The following COL19A1 variants were observed in gnomAD, a reference collection of about 807,000 sequenced individuals.
COL19A1 encodes collagen type XIX alpha 1 chain.
A neutral mutation model predicts 190.2 loss-of-function variants in COL19A1; 159 were observed. The observed-to-expected ratio is 0.84, with a 90% CI of 0.73 to 0.95. The LOEUF is 0.95. COL19A1 is among the 40% of genes least tolerant of loss of function. The pLI is 0.00. For synonymous variants in COL19A1, 509 were observed against 458.9 expected (o/e 1.11, Z -1.39); for missense variants, 1,418 against 1,431.9 (o/e 0.99, Z 0.16).
At chr6:70,171,060 A>T (rs1239545271) in intron 40 of COL19A1, among the ~76,000 whole-genome samples, 1 of 152,168 alleles carries the variant, frequency 6.6e-6, no homozygotes, top group Non-Finnish European at 1.5e-5. Flanking sequence ...AGCTTGTCCA[A>T]CCCATGGCCC....
intron 7 of COL19A1, 31 bp downstream of exon 7, chr6:69,932,894 G>C (rs769091447): frequency 7.1e-7 from 1 of 1,402,182 alleles, no homozygotes; most frequent in East Asian, 2.3e-5. Context: ...TATGAAGAAT[G>C]AAGAACGCCA....
intron 11 of COL19A1, among the ~76,000 whole-genome samples, chr6:70,022,602 T>C (rs1778475075): frequency 6.6e-6 from 1 of 152,198 alleles, no homozygotes; most frequent in Non-Finnish European, 1.5e-5. Context: ...AACAAAATTA[T>C]ATGTCACTAT....
chr6:70,068,012 C>CT (rs1187833301), intron 14 of COL19A1, among the ~76,000 whole-genome samples: 1 of 151,992 alleles, frequency 6.6e-6, no homozygotes, highest in Non-Finnish European at 1.5e-5. Context: ...TCATGCATTT[C>CT]CTTAGAATAT....
At chr6:69,929,761 T>C (rs1772634080) in intron 6 of COL19A1, 61 bp downstream of exon 6, 1 of 1,445,874 alleles carries the variant, frequency 6.9e-7, no homozygotes, top group Non-Finnish European at 9.3e-7. Context: ...AAAAATCTTA[T>C]TAAAAACATT....
At chr6:70,188,838 A>G (rs1766686503) in intron 47 of COL19A1, among the ~76,000 whole-genome samples, 1 of 152,210 alleles carries the variant, frequency 6.6e-6, no homozygotes, top group Non-Finnish European at 1.5e-5. Flanking sequence ...GAAAATATCC[A>G]TGTTAGGAAG....
intron 4 of COL19A1, among the ~76,000 whole-genome samples, chr6:69,914,439 T>C (rs576383254): frequency 1.3e-5 from 2 of 152,310 alleles, no homozygotes; most frequent in South Asian, 2.1e-4. Context: ...ACTTGTATCA[T>C]ATTTCTCTTC....
At chr6:70,006,394 G>C (rs945074231) in intron 11 of COL19A1, among the ~76,000 whole-genome samples, 2 of 152,192 alleles carry the variant, frequency 1.3e-5, no homozygotes, top group Non-Finnish European at 2.9e-5. Flanking sequence ...TTGGCTGGGG[G>C]GTGAGGGCTC....
intron 15 of COL19A1, among the ~76,000 whole-genome samples, chr6:70,089,054 T>A (rs1348772500): frequency 1.3e-5 from 2 of 152,148 alleles, no homozygotes; most frequent in Admixed American, 6.6e-5. Flanking sequence ...TTGAATCCCA[T>A]AGACAAGTGA....
intron 14 of COL19A1, among the ~76,000 whole-genome samples, chr6:70,066,642 A>T (rs1365771287): frequency 6.6e-6 from 1 of 151,926 alleles, no homozygotes; most frequent in Non-Finnish European, 1.5e-5. Context: ...TATGAAAAAA[A>T]TTAAAAATGA....
chr6:70,166,096 T>A, intron 37 of COL19A1, 111 bp downstream of exon 37: 1 of 962,108 alleles, frequency 1.0e-6, no homozygotes, highest in East Asian at 2.4e-5. Context: ...CTTCTGAATT[T>A]CGTGTATAAA....
Position 70,107,757 on chromosome 6 carries a change from A to G in COL19A1, c.1278+5535A>G, listed in dbSNP as rs539192799. Among the ~76,000 whole-genome samples the G allele has an allele frequency of 4.9e-4, 75 of 152,306 alleles. 2 individuals carry two copies. In the South Asian group the frequency reaches 0.016, roughly 32 times the overall value. ...TGAAGAGATCCAAAAGTTATTCCCAATTAGGTAACAATAACAACCAGGTCT... is the reference window on the plus strand; with the variant it reads ...TGAAGAGATCCAAAAGTTATTCCCAGTTAGGTAACAATAACAACCAGGTCT... On this transcript the variant is annotated intron_variant, in intron 16 of 50. Coordinates refer to ENST00000620364, the MANE Select transcript of COL19A1 (RefSeq NM_001858.6).
chr6:70,054,327 G>A (rs1377742338), intron 14 of COL19A1, among the ~76,000 whole-genome samples: 3 of 152,192 alleles, frequency 2.0e-5, no homozygotes, highest in Non-Finnish European at 4.4e-5. Context: ...TCCAGACTGG[G>A]TGACAAGAGC....
At chr6:70,065,922 C>T (rs1011734410) in intron 14 of COL19A1, among the ~76,000 whole-genome samples, 7 of 152,162 alleles carry the variant, frequency 4.6e-5, no homozygotes, top group Admixed American at 2.0e-4. Context: ...TTATCTCACA[C>T]CAGTTAGAAT....
intron 35 of COL19A1, 100 bp downstream of exon 35, chr6:70,162,053 A>G (rs117764401): frequency 0.045 from 48,544 of 1,074,952 alleles, 1,323 homozygotes; most frequent in Non-Finnish European, 0.054. Flanking sequence ...CTGTGCCTCT[A>G]TGTAGATTGT....
chr6:70,021,063 T>C (rs2150103060), intron 11 of COL19A1, among the ~76,000 whole-genome samples: 1 of 152,290 alleles, frequency 6.6e-6, no homozygotes, highest in East Asian at 1.9e-4. Flanking sequence ...GAGCACATAA[T>C]AAATATTGAA....
chr6:70,206,560 A>G (rs1429722834), intron 49 of COL19A1, among the ~76,000 whole-genome samples: 2 of 143,366 alleles, frequency 1.4e-5, no homozygotes, highest in Non-Finnish European at 3.0e-5. Context: ...TGAACACAGG[A>G]GGTGGAGGTT....
At chr6:70,171,667 T>C (rs1351718276) in intron 40 of COL19A1, among the ~76,000 whole-genome samples, 2 of 152,206 alleles carry the variant, frequency 1.3e-5, no homozygotes, top group Non-Finnish European at 2.9e-5. Flanking sequence ...TTCTAGTTCT[T>C]ATTGAAATTG....
At chr6:70,111,285 A>G (rs1351270633) in intron 16 of COL19A1, among the ~76,000 whole-genome samples, 2 of 152,220 alleles carry the variant, frequency 1.3e-5, no homozygotes, top group Non-Finnish European at 2.9e-5. Flanking sequence ...GCTTAGTATG[A>G]TCAAAGTAAA....
intron 18 of COL19A1, among the ~76,000 whole-genome samples, chr6:70,132,321 G>T (rs1785574048): frequency 6.6e-6 from 1 of 151,986 alleles, no homozygotes; most frequent in African/African-American, 2.4e-5. Context: ...ATCACTTGGA[G>T]CCAGGAGGTA....
Sources: gnomAD v4.1 joint callset for allele counts (sites outside exome capture counted in the v4.1 genomes callset) on GRCh38, gnomAD v4.1.1 for gene constraint, MANE v1.5 for transcripts, NCBI Gene and HGNC (gene_info 2026-07-23, HGNC 2026-07-21) for gene names.